Variants in IKZF2 observed in about 807,000 individuals in gnomAD.
IKZF2 encodes the protein zinc finger protein Helios.
Under a neutral mutation model 49.2 loss-of-function variants are expected in IKZF2, and 15 were observed. The observed-to-expected ratio is 0.30, with a 90% confidence interval of 0.20 to 0.47. The LOEUF is 0.47. Among genes scored for constraint, IKZF2 ranks in the 20% least tolerant of loss-of-function variants. IKZF2 has a pLI of 1.00. For missense variants in IKZF2, 567 were observed against 664.6 expected, an observed-to-expected ratio of 0.85 and a Z score of 1.61; for synonymous variants, 227 against 221.4, an observed-to-expected ratio of 1.03 and a Z score of -0.23.
chr2:213,050,153 G>A (rs1188514065), intron 5 of IKZF2, among the ~76,000 whole-genome samples: 1 of 152,110 alleles, frequency 6.6e-6, no homozygotes, highest in African/African-American at 2.4e-5. Context: ...TTTATCATTG[G>A]TTGAACAATG....
At chr2:213,112,160 C>T (rs544459586) in intron 4 of IKZF2, among the ~76,000 whole-genome samples, 9 of 152,056 alleles carry the variant, frequency 5.9e-5, no homozygotes, top group South Asian at 2.1e-4. Context: ...TTCAGTCCTA[C>T]TCCATAGGGA....
intron 4 of IKZF2, among the ~76,000 whole-genome samples, chr2:213,060,362 C>T (rs569736605): frequency 1.3e-5 from 2 of 151,280 alleles, no homozygotes; most frequent in Non-Finnish European, 1.5e-5. Flanking sequence ...CGTAGCTACA[C>T]TATATGATGC....
At chr2:213,141,342 A>C (rs984243560) in intron 4 of IKZF2, among the ~76,000 whole-genome samples, 2 of 151,928 alleles carry the variant, frequency 1.3e-5, no homozygotes, top group Admixed American at 6.6e-5. Context: ...AAATCGATCC[A>C]TGTCAGTCAA....
At position 213,001,855 on chromosome 2, in the gene IKZF2, T is replaced by A. The variant is rs186695370; in HGVS notation, c.*5505A>T. ...TGCTTGACTGTAAAAAATTTTTAAA[T>A]CACAGTTTCAGAATTTGAACTACTT... On this transcript the variant is annotated 3_prime_UTR_variant, in exon 9 of 9. Transcript: ENST00000434687. The A allele has an allele frequency of 2.2e-4, 33 of 151,942 alleles. No homozygotes were observed. The highest frequency in any genetic ancestry group is 8.0e-4 in the African/African-American group (33 of 41,498). The allele number at this position is 151,942 out of a possible 1,614,324, so 9.4% of individuals were successfully genotyped here.
chr2:213,004,740 A>G lies in IKZF2; in HGVS notation c.*2620T>C, dbSNP rs1287520640. ...CTTTCTGACCCACAAATTTGAATTG[A>G]CTTTGTCCTCAATTGTCCCTGCCAC... On this transcript the variant is annotated 3_prime_UTR_variant, in exon 9 of 9. Transcript: ENST00000434687. 6.6e-6 allele frequency: 1 copy of G among 152,100 alleles called. No individual in the cohort carries two copies. The highest frequency in any genetic ancestry group is 1.5e-5 in the Non-Finnish European group (1 of 67,942). 9.4% of individuals were successfully genotyped at this position (152,100 alleles called of 1,614,324 possible).
intron 6 of IKZF2, among the ~76,000 whole-genome samples, chr2:213,027,162 T>A (rs1444028911): frequency 6.6e-6 from 1 of 152,116 alleles, no homozygotes; most frequent in East Asian, 1.9e-4. Flanking sequence ...GGTTTAGAGA[T>A]AATCTATTGC....
intron 4 of IKZF2, among the ~76,000 whole-genome samples, chr2:213,118,403 TG>T (rs1172285488): frequency 3.9e-5 from 6 of 152,220 alleles, no homozygotes; most frequent in Non-Finnish European, 8.8e-5. Context: ...TGGAGGGCTC[TG>T]TTCTAAGACT....
rs1405489305 is a variant in IKZF2 at position 213,022,049 on chromosome 2, T to C, written c.656A>G (p.His219Arg). 2 of 1,613,940 alleles carry C rather than the reference T, an allele frequency of 1.2e-6. No individual in the cohort carries two copies. Among genetic ancestry groups the C allele is most frequent in the South Asian group, 1.1e-5 (1 of 91,068 alleles). The change falls in exon 7 of 9, where the codon CAC (histidine) becomes CGC (arginine). Residue 219 changes from histidine to arginine, a missense_variant. By Grantham distance (29) the His-to-Arg change is conservative (BLOSUM62 0). Transcript: ENST00000434687. Reference sequence around the variant, plus strand: ...CATGCTGACATTCTGGAGATAGTTGTGGCAGCGTTCCTTGTGCTCCTCCAG... The same window carrying C: ...CATGCTGACATTCTGGAGATAGTTGCGGCAGCGTTCCTTGTGCTCCTCCAG... ...SSLEEHKERC[H>R]NYLQNVSMEA...
At chr2:213,011,170 T>C (rs1695908417) in intron 8 of IKZF2, among the ~76,000 whole-genome samples, 1 of 149,374 alleles carries the variant, frequency 6.7e-6, no homozygotes, top group African/African-American at 2.5e-5. Flanking sequence ...ACAGGTTGCA[T>C]GGACTTGGAA....
intron 4 of IKZF2, among the ~76,000 whole-genome samples, chr2:213,070,746 A>G (rs768595318): frequency 1.3e-5 from 2 of 152,140 alleles, no homozygotes; most frequent in Non-Finnish European, 2.9e-5. Flanking sequence ...AGTGCAAAAT[A>G]CAGTGTTTGA....
At chr2:213,033,070 C>T (rs528773466) in intron 6 of IKZF2, among the ~76,000 whole-genome samples, 45 of 143,952 alleles carry the variant, frequency 3.1e-4, no homozygotes, top group Admixed American at 6.8e-4. Context: ...GTCATTTCAA[C>T]AATATTCACA....
At chr2:213,061,773 C>G (rs576178977) in intron 4 of IKZF2, among the ~76,000 whole-genome samples, 1 of 151,186 alleles carries the variant, frequency 6.6e-6, no homozygotes, top group African/African-American at 2.4e-5. Flanking sequence ...ATAAGTAACC[C>G]ATATTAACAC....
chr2:213,074,630 C>G (rs1122846), intron 4 of IKZF2, among the ~76,000 whole-genome samples: 63,680 of 151,868 alleles, frequency 0.42, 14,200 homozygotes, highest in African/African-American at 0.52. Context: ...ATGGATTTTG[C>G]TTACATACAT....
At chr2:213,078,153 T>A (rs1703491685) in intron 4 of IKZF2, among the ~76,000 whole-genome samples, 1 of 152,176 alleles carries the variant, frequency 6.6e-6, no homozygotes, top group African/African-American at 2.4e-5. Flanking sequence ...ATACAAAGAT[T>A]TATGTTTTGC....
intron 6 of IKZF2, among the ~76,000 whole-genome samples, chr2:213,037,550 T>C (rs528827619): frequency 2.0e-5 from 3 of 152,228 alleles, no homozygotes; most frequent in Non-Finnish European, 4.4e-5. Context: ...TGAAAGTGGC[T>C]TTTACCTTCT....
chr2:213,039,650 T>C (rs568910248), intron 6 of IKZF2, among the ~76,000 whole-genome samples: 1 of 152,196 alleles, frequency 6.6e-6, no homozygotes, highest in African/African-American at 2.4e-5. Context: ...ATTGTAAGGT[T>C]CCTCAAATCT....
upstream of IKZF2, chr2:213,151,686 G>A (rs1575021006): frequency 2.0e-5 from 3 of 149,068 alleles, no homozygotes; most frequent in Admixed American, 6.7e-5. Context: ...GGCCGGGCTC[G>A]CGCAGACGCC....
intron 6 of IKZF2, among the ~76,000 whole-genome samples, chr2:213,031,524 G>A (rs1340635642): frequency 1.3e-5 from 2 of 152,198 alleles, no homozygotes; most frequent in African/African-American, 2.4e-5. Context: ...ACAAGAAAAT[G>A]TCTTATGTAA....
At chr2:213,094,002 T>G (rs1189484731) in intron 4 of IKZF2, among the ~76,000 whole-genome samples, 1 of 152,118 alleles carries the variant, frequency 6.6e-6, no homozygotes, top group African/African-American at 2.4e-5. Context: ...AGAGGAAATG[T>G]TTGATTTGAA....
Sources: gnomAD v4.1 joint callset for allele counts (sites outside exome capture counted in the v4.1 genomes callset) on GRCh38, gnomAD v4.1.1 for gene constraint, MANE v1.5 for transcripts, NCBI Gene and HGNC (gene_info 2026-07-23, HGNC 2026-07-21) for gene names.